Variants in PABPC4L observed in about 807,000 individuals in gnomAD.
PABPC4L encodes the protein poly(A) binding protein cytoplasmic 4 like.
For missense variants in PABPC4L, 452 were observed against 451.4 expected (o/e 1.00, Z -0.01); for synonymous variants, 169 against 164.1 (o/e 1.03, Z -0.23).
chr4:134,079,647 G>A, the PABPC4L span, among the ~76,000 whole-genome samples: 1 of 145,354 alleles, frequency 6.9e-6, no homozygotes, highest in African/African-American at 2.5e-5. Context: ...AAGAATACAA[G>A]GATGTGTGTC....
At chr4:134,141,264 C>A in the PABPC4L span, among the ~76,000 whole-genome samples, 6 of 151,438 alleles carry the variant, frequency 4.0e-5, no homozygotes, top group Non-Finnish European at 7.4e-5. Context: ...GCAAACTACT[C>A]CCTGTGGCTT....
chr4:134,134,078 G>A, the PABPC4L span, among the ~76,000 whole-genome samples: 1 of 151,836 alleles, frequency 6.6e-6, no homozygotes. Context: ...CAATATAAAA[G>A]TATTGGAAAC....
the PABPC4L span, among the ~76,000 whole-genome samples, chr4:133,998,942 A>T: frequency 6.6e-6 from 1 of 151,860 alleles, no homozygotes; most frequent in African/African-American, 2.4e-5. Context: ...TTATTTTTAT[A>T]ATTTCTACTT....
chr4:134,133,289 G>A, the PABPC4L span, among the ~76,000 whole-genome samples: 65,086 of 136,388 alleles, frequency 0.48, 18,510 homozygotes, highest in East Asian at 0.98. Context: ...ATATATAATT[G>A]ATATATTAAT....
At chr4:134,023,289 A>T in the PABPC4L span, among the ~76,000 whole-genome samples, 8 of 152,172 alleles carry the variant, frequency 5.3e-5, no homozygotes, top group Non-Finnish European at 1.2e-4. Flanking sequence ...TACCAAGTCT[A>T]AACTTTTATT....
At chr4:133,990,366 TG>T in the PABPC4L span, among the ~76,000 whole-genome samples, 1 of 152,168 alleles carries the variant, frequency 6.6e-6, no homozygotes, top group Non-Finnish European at 1.5e-5. Context: ...CTATTATAAT[TG>T]TTTTGAGGTA....
At chr4:133,974,158 A>G in the PABPC4L span, among the ~76,000 whole-genome samples, 1 of 152,010 alleles carries the variant, frequency 6.6e-6, no homozygotes, top group African/African-American at 2.4e-5. Context: ...CATAAGGATA[A>G]AAATATAGAT....
the PABPC4L span, among the ~76,000 whole-genome samples, chr4:134,013,709 G>C: frequency 2.6e-5 from 4 of 151,910 alleles, no homozygotes; most frequent in Non-Finnish European, 4.4e-5. Context: ...TGTTCCCAAT[G>C]CAACTCCTCC....
the PABPC4L span, among the ~76,000 whole-genome samples, chr4:134,092,502 C>A: frequency 7.9e-5 from 12 of 152,046 alleles, no homozygotes; most frequent in East Asian, 1.9e-3. Flanking sequence ...AGACAAGAAC[C>A]CAGGTACCAA....
the PABPC4L span, among the ~76,000 whole-genome samples, chr4:134,046,369 A>G: frequency 6.6e-6 from 1 of 152,098 alleles, no homozygotes; most frequent in Non-Finnish European, 1.5e-5. Context: ...AGAGTAACAG[A>G]GCAGCATTGC....
the PABPC4L span, among the ~76,000 whole-genome samples, chr4:134,064,368 C>T: frequency 6.6e-6 from 1 of 151,990 alleles, no homozygotes; most frequent in Non-Finnish European, 1.5e-5. Flanking sequence ...TGTAATTAGA[C>T]ATATTCACAT....
the PABPC4L span, among the ~76,000 whole-genome samples, chr4:134,000,068 A>G: frequency 6.6e-6 from 1 of 152,178 alleles, no homozygotes; most frequent in Non-Finnish European, 1.5e-5. Flanking sequence ...ATCTTCGTGA[A>G]GATTCACATG....
the PABPC4L span, among the ~76,000 whole-genome samples, chr4:133,995,142 A>G: frequency 1.3e-5 from 2 of 152,154 alleles, no homozygotes; most frequent in African/African-American, 2.4e-5. Context: ...CTGATTACTT[A>G]GGGGGTTGCC....
At chr4:134,098,891 G>A in the PABPC4L span, among the ~76,000 whole-genome samples, 1 of 151,752 alleles carries the variant, frequency 6.6e-6, no homozygotes, top group East Asian at 1.9e-4. Flanking sequence ...TACTAATAGA[G>A]GTAAGATGAG....
At chr4:134,011,880 A>T in the PABPC4L span, among the ~76,000 whole-genome samples, 1 of 152,306 alleles carries the variant, frequency 6.6e-6, no homozygotes, top group East Asian at 1.9e-4. Flanking sequence ...TTAGATGTTC[A>T]TCACAGCATT....
the PABPC4L span, among the ~76,000 whole-genome samples, chr4:134,174,614 G>A: frequency 1.3e-5 from 2 of 152,210 alleles, no homozygotes; most frequent in Admixed American, 6.5e-5. Context: ...TAATTATGTG[G>A]CACATGACTG....
the PABPC4L span, among the ~76,000 whole-genome samples, chr4:134,051,132 TG>T: frequency 6.6e-6 from 1 of 152,172 alleles, no homozygotes; most frequent in Admixed American, 6.6e-5. Flanking sequence ...AACAAAAATC[TG>T]AAAATGTTCT....
the PABPC4L span, among the ~76,000 whole-genome samples, chr4:133,953,743 G>A: frequency 1.3e-5 from 2 of 152,106 alleles, no homozygotes; most frequent in African/African-American, 2.4e-5. Flanking sequence ...CTGCCCAGAT[G>A]GCAGGACTCA....
chr4:134,176,315 T>C, the PABPC4L span, among the ~76,000 whole-genome samples: 2 of 152,054 alleles, frequency 1.3e-5, no homozygotes, highest in Non-Finnish European at 2.9e-5. Flanking sequence ...TATGTCTACC[T>C]GCTCAAAAGA....
Sources: gnomAD v4.1 joint callset for allele counts (sites outside exome capture counted in the v4.1 genomes callset) on GRCh38, gnomAD v4.1.1 for gene constraint, MANE v1.5 for transcripts, NCBI Gene and HGNC (gene_info 2026-07-23, HGNC 2026-07-21) for gene names.